WDFY3: variants seen among roughly 807,000 people sequenced by gnomAD.
The protein encoded by WDFY3 is WD repeat and FYVE domain-containing protein 3.
A neutral mutation model predicts 409.6 loss-of-function variants in WDFY3; 66 were observed. That is an observed-to-expected ratio of 0.16 (90% CI 0.13 to 0.20). The LOEUF (loss-of-function observed/expected upper bound fraction) is 0.20. Among genes scored for constraint, WDFY3 ranks in the 10% least tolerant of loss-of-function variants. The probability of loss-of-function intolerance (pLI) is 1.00; values close to 1 mark genes in which losing one functional copy is unlikely to be tolerated. For synonymous variants in WDFY3, 1,521 were observed against 1,537.1 expected (o/e 0.99, Z 0.25); for missense variants, 3,031 against 4,298.1 (o/e 0.71, Z 8.24).
intron 1 of WDFY3, among the ~76,000 whole-genome samples, chr4:84,945,397 T>C (rs1276345873): frequency 6.6e-6 from 1 of 152,224 alleles, no homozygotes; most frequent in Non-Finnish European, 1.5e-5. Context: ...GAAACACCAA[T>C]TCTGAATTTG....
At chr4:84,829,545 C>A (rs1755358214) in intron 8 of WDFY3, among the ~76,000 whole-genome samples, 1 of 151,958 alleles carries the variant, frequency 6.6e-6, no homozygotes, top group Non-Finnish European at 1.5e-5. Context: ...AGCAAAAAAA[C>A]TATCTTCTAA....
chr4:84,824,357 T>A (rs2149848986), intron 10 of WDFY3, among the ~76,000 whole-genome samples: 1 of 152,298 alleles, frequency 6.6e-6, no homozygotes, highest in African/African-American at 2.4e-5. Context: ...AATTTATAAA[T>A]TCAACTTTAT....
rs534122893 is a variant in WDFY3 at position 84,690,150 on chromosome 4, A to C, written c.9363+356T>G. ...AAAAATAAAGAATTTAGTGGCAGAT[A>C]AATGGAAATCACCCTGGAAGGAAAT... On this transcript the variant is annotated intron_variant, in intron 61 of 67. Transcript: ENST00000295888. Among the ~76,000 whole-genome samples, 3 of 152,330 alleles carry C rather than the reference A, an allele frequency of 2.0e-5. No homozygotes were observed. In the East Asian group the frequency reaches 5.8e-4, roughly 29 times the overall value.
intron 36 of WDFY3, among the ~76,000 whole-genome samples, chr4:84,744,669 C>T (rs990724412): frequency 3.3e-4 from 50 of 150,994 alleles, no homozygotes; most frequent in African/African-American, 1.1e-3. Flanking sequence ...CCGGCTAAAA[C>T]GGTGAAACCC....
At chr4:84,710,483 A>C (rs1229497927) in intron 51 of WDFY3, among the ~76,000 whole-genome samples, 1 of 152,188 alleles carries the variant, frequency 6.6e-6, no homozygotes, top group Non-Finnish European at 1.5e-5. Context: ...GAAAGTATTT[A>C]TATATTTTCT....
rs1216599777 is a variant in WDFY3 at position 84,672,780 on chromosome 4, G to A, written c.*88C>T. 15 of 1,545,046 alleles carry A rather than the reference G, an allele frequency of 9.7e-6. No homozygotes were observed. Among genetic ancestry groups the A allele is most frequent in the African/African-American group, 6.9e-5 (5 of 72,390 alleles). On this transcript the variant is annotated 3_prime_UTR_variant, in exon 68 of 68. Coordinates refer to ENST00000295888, the MANE Select transcript of WDFY3 (RefSeq NM_014991.6). ...ACGTGGTATGAAGAGATGTGTAAAC[G>A]GAGACTGTTTTCAATGCCTTCCAAG...
intron 1 of WDFY3, among the ~76,000 whole-genome samples, chr4:84,934,311 A>G (rs1181812406): frequency 6.6e-6 from 1 of 152,110 alleles, no homozygotes; most frequent in East Asian, 1.9e-4. Flanking sequence ...TGTTTGCCAT[A>G]TGTATGTCTT....
At chr4:84,929,825 C>G (rs1327042933) in intron 2 of WDFY3, among the ~76,000 whole-genome samples, 1 of 151,914 alleles carries the variant, frequency 6.6e-6, no homozygotes. Flanking sequence ...GCACGAGAAT[C>G]GCTTGAACCC....
At chr4:84,933,570 G>A (rs1483218198) in intron 1 of WDFY3, among the ~76,000 whole-genome samples, 1 of 151,236 alleles carries the variant, frequency 6.6e-6, no homozygotes, top group African/African-American at 2.4e-5. Context: ...ATTTTTTAAT[G>A]TACAAATTAT....
chr4:84,959,393 A>G (rs896410662), intron 1 of WDFY3, among the ~76,000 whole-genome samples: 2 of 151,968 alleles, frequency 1.3e-5, no homozygotes, highest in Admixed American at 6.6e-5. Flanking sequence ...AGGGTAATCT[A>G]TGAGAAGACG....
rs150181993 is a variant in WDFY3, at chr4:84,757,099, A to C, written c.5251T>G (p.Cys1751Gly). 2.2e-3 allele frequency: 3,558 copies of C among 1,614,042 alleles called. 11 individuals are homozygous for C. Among genetic ancestry groups the C allele is most frequent in the Non-Finnish European group, 2.6e-3 (3,119 of 1,179,960 alleles). ...STVREINRDA[C>G]HFPGFPVLQS... ...AGGACTGGAAAACCAGGAAAATGAC[A>C]AGCATCTCGGTTAATCTCCCTGACC... The change falls in exon 33 of 68, where the codon TGT becomes GGT. Residue 1751 changes from cysteine (C) to glycine (G), a missense_variant. Transcript: ENST00000295888.
intron 25 of WDFY3, among the ~76,000 whole-genome samples, chr4:84,782,382 TA>T (rs1746683865): frequency 6.6e-6 from 1 of 152,034 alleles, no homozygotes; most frequent in African/African-American, 2.4e-5. Context: ...TTTTTTTTTT[TA>T]TTTTACTTTA....
At chr4:84,683,069 C>A (rs989047955) in intron 63 of WDFY3, 6 of 152,822 alleles carry the variant, frequency 3.9e-5, no homozygotes. Context: ...TGCTAATACA[C>A]ATTATATATC....
At chr4:84,784,668 T>A (rs1747145191) in intron 24 of WDFY3, among the ~76,000 whole-genome samples, 1 of 151,068 alleles carries the variant, frequency 6.6e-6, no homozygotes, top group Non-Finnish European at 1.5e-5. Flanking sequence ...TGAAACCCTG[T>A]CTCTAATAAA....
intron 21 of WDFY3, among the ~76,000 whole-genome samples, chr4:84,792,869 A>G (rs1748754158): frequency 6.6e-6 from 1 of 152,222 alleles, no homozygotes; most frequent in Non-Finnish European, 1.5e-5. Flanking sequence ...ATAAGTTTAC[A>G]TAATATCTGC....
At chr4:84,766,406 G>A in intron 30 of WDFY3, 34 bp from the exon 31 acceptor site, 1 of 1,544,426 alleles carries the variant, frequency 6.5e-7, no homozygotes, top group Non-Finnish European at 8.7e-7. Context: ...AATCTCCCTA[G>A]TAGATAAGCT....
chr4:84,740,082 C>T (rs1738136538), intron 39 of WDFY3, 105 bp downstream of exon 39: 2 of 1,136,510 alleles, frequency 1.8e-6, no homozygotes, highest in Non-Finnish European at 2.5e-6. Context: ...TTAAATAAAA[C>T]AGAGTAAGGG....
chr4:84,720,911 G>A (rs1309522288), intron 47 of WDFY3, among the ~76,000 whole-genome samples: 2 of 152,208 alleles, frequency 1.3e-5, no homozygotes, highest in African/African-American at 4.8e-5. Context: ...AGAGTCAGTG[G>A]AATGAGACCA....
chr4:84,895,178 C>T (rs1765471884), intron 3 of WDFY3, among the ~76,000 whole-genome samples: 1 of 152,124 alleles, frequency 6.6e-6, no homozygotes, highest in South Asian at 2.1e-4. Flanking sequence ...TTTAATAACA[C>T]TTGTTACATG....
Sources: gnomAD v4.1 joint callset for allele counts (sites outside exome capture counted in the v4.1 genomes callset) on GRCh38, gnomAD v4.1.1 for gene constraint, MANE v1.5 for transcripts, NCBI Gene and HGNC (gene_info 2026-07-23, HGNC 2026-07-21) for gene names.